Variants in NEBL observed in about 807,000 individuals in gnomAD.
NEBL encodes the protein nebulette.
In NEBL, 122 loss-of-function variants were observed where a neutral mutation model predicts 140.2. The ratio of observed to expected loss-of-function variants is 0.87; its 90% confidence interval spans 0.75 to 1.01. The LOEUF (loss-of-function observed/expected upper bound fraction) is 1.01, where lower values mean the gene tolerates loss of function less well. NEBL is among the 50% of genes least tolerant of loss of function. The probability of loss-of-function intolerance (pLI) is 0.00; values close to 1 mark genes in which losing one functional copy is unlikely to be tolerated. For missense variants in NEBL, 1,365 were observed against 1,231.3 expected (o/e 1.11, Z -1.62); for synonymous variants, 436 against 398.9 (o/e 1.09, Z -1.11).
intron 13 of NEBL, among the ~76,000 whole-genome samples, chr10:20,840,167 C>G (rs558616276): frequency 6.6e-6 from 1 of 152,196 alleles, no homozygotes; most frequent in South Asian, 2.1e-4. Context: ...AGCTCTTTCA[C>G]TGCTAAATTC....
At chr10:21,147,472 A>C (rs1184047509) in intron 2 of NEBL, among the ~76,000 whole-genome samples, 1 of 132,692 alleles carries the variant, frequency 7.5e-6, no homozygotes, top group African/African-American at 2.9e-5. Flanking sequence ...CTCACTTCCC[A>C]CTCAGTCCTC....
At chr10:21,143,752 G>A (rs1839757627) in intron 2 of NEBL, among the ~76,000 whole-genome samples, 1 of 151,950 alleles carries the variant, frequency 6.6e-6, no homozygotes, top group South Asian at 2.1e-4. Flanking sequence ...GAACCAGAGA[G>A]CTCTGAAGGT....
intron 2 of NEBL, among the ~76,000 whole-genome samples, chr10:21,022,194 T>C (rs1838825704): frequency 6.6e-6 from 1 of 152,138 alleles, no homozygotes; most frequent in African/African-American, 2.4e-5. Flanking sequence ...TCAGAGCTGC[T>C]CCTCAAAGAA....
Position 20,845,260 on chromosome 10 carries a change from C to T in NEBL, c.1225G>A (p.Glu409Lys), listed in dbSNP as rs767565380. The T allele has an allele frequency of 8.0e-5, 124 of 1,540,790 alleles. No homozygotes were observed. Among genetic ancestry groups the T allele is most frequent in the Non-Finnish European group, 1.1e-4 (117 of 1,114,104 alleles). Residue 409 changes from glutamate (E) to lysine (K), a missense_variant and splice_region_variant, in exon 12 of 28, where the codon GAG becomes AAG. By Grantham distance (56) the Glu-to-Lys change is moderately conservative. Around this residue, in one of 2 missense-constraint regions of NEBL, gnomAD observed 1,323 missense variants for 1,154.8 expected, o/e 1.15. Transcript: ENST00000377122. ...AATAATAAACACCAAGATCGTACCTCCCTCAGAAGGTTGGTGATGTACTTT... is the reference window on the plus strand; with the variant it reads ...AATAATAAACACCAAGATCGTACCTTCCTCAGAAGGTTGGTGATGTACTTT... The part of the protein sequence containing the change: ...HVKYITNLLR[E>K]KEYKKDLENE...
chr10:21,227,406 C>A (rs1270147090), intron 3 of NEBL, among the ~76,000 whole-genome samples: 23 of 152,172 alleles, frequency 1.5e-4, no homozygotes, highest in Admixed American at 1.5e-3. Context: ...TTAAAAATGC[C>A]ATATGGCACA....
At chr10:20,989,053 T>C (rs1837361749) in intron 3 of NEBL, among the ~76,000 whole-genome samples, 1 of 152,240 alleles carries the variant, frequency 6.6e-6, no homozygotes, top group Non-Finnish European at 1.5e-5. Context: ...ACAGTAAATG[T>C]CAAAACCATG....
chr10:20,806,961 T>C (rs890604125), intron 26 of NEBL, among the ~76,000 whole-genome samples: 1 of 152,132 alleles, frequency 6.6e-6, no homozygotes, highest in Non-Finnish European at 1.5e-5. Context: ...TCTTTAAATA[T>C]CAATATTATT....
chr10:20,964,168 C>A (rs1451287095), intron 3 of NEBL, among the ~76,000 whole-genome samples: 1 of 152,058 alleles, frequency 6.6e-6, no homozygotes, highest in Non-Finnish European at 1.5e-5. Flanking sequence ...CCTCACATGA[C>A]CTCATCCAGC....
In NEBL at chr10:21,173,162, G is replaced by T. The variant is rs1437558471; in HGVS notation, c.69+603C>A. Among the ~76,000 whole-genome samples, 1 of 152,206 alleles carries T rather than the reference G, an allele frequency of 6.6e-6. No homozygotes were observed. The highest frequency in any genetic ancestry group is 1.5e-5 in the Non-Finnish European group (1 of 68,020). Reference sequence around the variant, plus strand: ...AAGGGCAGGGGGCAGGGCTGGAGGGGCCCGGCTACAGAACTACTTCCCCTG... The same window carrying T: ...AAGGGCAGGGGGCAGGGCTGGAGGGTCCCGGCTACAGAACTACTTCCCCTG... On this transcript the variant is annotated intron_variant, in intron 1 of 6. Coordinates refer to the NEBL transcript ENST00000417816. This position sits in a 1 kb window ranked among gnomAD's most constrained non-coding sequence, Gnocchi z 5.7.
At chr10:20,803,656 TTACTGTTAAAAGCACTAA>T (rs1483351232) in intron 26 of NEBL, among the ~76,000 whole-genome samples, 1 of 151,964 alleles carries the variant, frequency 6.6e-6, no homozygotes, top group East Asian at 1.9e-4. Flanking sequence ...TGATTGACTG[TTACTGTTAAAAGCACTAA>T]CGATTTTCAT....
In NEBL at chr10:20,831,491, T is replaced by C. The variant is rs757640054; in HGVS notation, c.1542A>G (p.Ala514=). ...GTCTTACCTGGCTGGCCATCTCGGATGCTTTCTTAGCTCTCTGGACATCAA... is the reference window on the plus strand; with the variant it reads ...GTCTTACCTGGCTGGCCATCTCGGACGCTTTCTTAGCTCTCTGGACATCAA... ...DTLDVQRAKK[A]SEMASQKQYK... The change falls in exon 15 of 28, where the codon GCA becomes GCG. Residue 514 remains alanine, a synonymous_variant. Transcript: ENST00000377122. 3 of 1,611,156 alleles carry C rather than the reference T, an allele frequency of 1.9e-6. No individual in the cohort carries two copies. The highest frequency in any genetic ancestry group is 2.5e-6 in the Non-Finnish European group (3 of 1,178,204).
At chr10:21,216,990 A>AG (rs1842001672) in intron 3 of NEBL, among the ~76,000 whole-genome samples, 1 of 126,606 alleles carries the variant, frequency 7.9e-6, no homozygotes, top group Non-Finnish European at 1.5e-5. Context: ...TCAGTCTCGA[A>AG]GAAAAAAAAA....
At chr10:21,194,807 C>G (rs1014981742) in intron 3 of NEBL, among the ~76,000 whole-genome samples, 1 of 151,852 alleles carries the variant, frequency 6.6e-6, no homozygotes, top group African/African-American at 2.4e-5. Flanking sequence ...CCTCGCCCCG[C>G]CGCCCTGACC....
At position 20,829,685 on chromosome 10, in the gene NEBL, A is replaced by T. The variant is rs192419006; in HGVS notation, c.1672-1051T>A. On this transcript the variant is annotated intron_variant, in intron 16 of 27. Transcript: ENST00000377122. ...TAAGTATCCCAATTGTATTTCAGTG[A>T]TTAAAATCCCTTAAAATTAGATATA... 1.1e-4 allele frequency among the ~76,000 whole-genome samples: 16 copies of T among 152,266 alleles called. No homozygotes were observed. The East Asian group carries it at 2.9e-3, about 28-fold the overall frequency.
chr10:20,809,423 C>T (rs1349394322), intron 25 of NEBL, among the ~76,000 whole-genome samples: 1 of 152,034 alleles, frequency 6.6e-6, no homozygotes, highest in Non-Finnish European at 1.5e-5. Context: ...TGTAAAAAAC[C>T]TTTCTACTGT....
chr10:21,122,527 T>C (rs892388685), intron 2 of NEBL, among the ~76,000 whole-genome samples: 1 of 152,162 alleles, frequency 6.6e-6, no homozygotes. Context: ...CAATCCAGAA[T>C]AAGTGGCCAT....
At chr10:21,158,850 T>C (rs962854030) in intron 2 of NEBL, among the ~76,000 whole-genome samples, 1 of 152,238 alleles carries the variant, frequency 6.6e-6, no homozygotes, top group Admixed American at 6.5e-5. Context: ...GCATGAAAGC[T>C]AAATAGGATT....
At chr10:21,052,594 A>G (rs1834826759) in intron 2 of NEBL, among the ~76,000 whole-genome samples, 1 of 152,216 alleles carries the variant, frequency 6.6e-6, no homozygotes, top group African/African-American at 2.4e-5. Context: ...GGGGTATAGA[A>G]GCTCTTTCTA....
At chr10:21,011,374 A>C (rs1838332138) in intron 3 of NEBL, among the ~76,000 whole-genome samples, 1 of 152,254 alleles carries the variant, frequency 6.6e-6, no homozygotes, top group African/African-American at 2.4e-5. Flanking sequence ...GATTCTTTAC[A>C]AGTCCGTACC....
Sources: allele counts gnomAD v4.1 joint callset (sites outside exome capture counted in the v4.1 genomes callset), GRCh38; gene constraint gnomAD v4.1.1; regional missense constraint gnomAD v4.1.1; non-coding constraint Gnocchi (gnomAD v3.1); transcripts MANE v1.5; gene names NCBI Gene and HGNC (gene_info 2026-07-23, HGNC 2026-07-21).